Variants in DNAAF11 observed in about 807,000 individuals in gnomAD.
DNAAF11 encodes leucine rich repeat containing 6.
Under a neutral mutation model 60.8 loss-of-function variants are expected in DNAAF11, and 45 were observed. The observed-to-expected ratio is 0.74, with a 90% CI of 0.58 to 0.95. DNAAF11 has a LOEUF of 0.95. DNAAF11 is among the 40% of genes least tolerant of loss of function. The pLI is 0.00. For synonymous variants in DNAAF11, 191 were observed against 183.5 expected, an observed-to-expected ratio of 1.04 and a Z score of -0.33; for missense variants, 546 against 546.2, an observed-to-expected ratio of 1.00 and a Z score of 0.00.
intron 2 of DNAAF11, among the ~76,000 whole-genome samples, chr8:132,658,566 C>A (rs913394117): frequency 1.3e-5 from 2 of 152,174 alleles, no homozygotes; most frequent in Non-Finnish European, 2.9e-5. Flanking sequence ...CGTGATCCAG[C>A]CGCCTTAGCC....
chr8:132,612,886 C>T (rs1222372693), intron 8 of DNAAF11, among the ~76,000 whole-genome samples: 1 of 152,118 alleles, frequency 6.6e-6, no homozygotes, highest in Non-Finnish European at 1.5e-5. Context: ...ATATTACCAC[C>T]CCTTAAAATG....
intron 10 of DNAAF11, among the ~76,000 whole-genome samples, chr8:132,604,740 G>C (rs368114624): frequency 6.6e-6 from 1 of 152,056 alleles, no homozygotes; most frequent in African/African-American, 2.4e-5. Context: ...TAAACTCCTA[G>C]AAAATGTGAT....
At chr8:132,604,081 A>G (rs1817908840) in intron 10 of DNAAF11, among the ~76,000 whole-genome samples, 1 of 152,182 alleles carries the variant, frequency 6.6e-6, no homozygotes, top group African/African-American at 2.4e-5. Flanking sequence ...AAATTTCAGG[A>G]ATGAGCTTCA....
chr8:132,698,567 C>G, the DNAAF11 span, among the ~76,000 whole-genome samples: 4 of 152,240 alleles, frequency 2.6e-5, no homozygotes, highest in Admixed American at 2.6e-4. Flanking sequence ...TGGGCACAGT[C>G]AATATTTCCA....
chr8:132,606,553 G>A (rs1399840393), intron 10 of DNAAF11, among the ~76,000 whole-genome samples: 11 of 152,166 alleles, frequency 7.2e-5, no homozygotes, highest in Non-Finnish European at 1.2e-4. Flanking sequence ...ATGCAGCCTC[G>A]ATGTAGCCTC....
intron 3 of DNAAF11, among the ~76,000 whole-genome samples, chr8:132,638,432 G>A (rs559893355): frequency 6.6e-6 from 1 of 152,236 alleles, no homozygotes; most frequent in East Asian, 1.9e-4. Context: ...AGTAAAAGCT[G>A]CTACTATACT....
At chr8:132,677,860 G>A (rs907947380), upstream of DNAAF11, among the ~76,000 whole-genome samples, 3 of 152,152 alleles carry the variant, frequency 2.0e-5, no homozygotes, top group African/African-American at 7.2e-5. Context: ...CATGACAGAA[G>A]GGATAGAAAA....
chr8:132,604,868 G>A (rs992144403), intron 10 of DNAAF11, among the ~76,000 whole-genome samples: 2 of 151,926 alleles, frequency 1.3e-5, no homozygotes, highest in Admixed American at 1.3e-4. Flanking sequence ...ACCTTCTAAT[G>A]GACATAAAAT....
chr8:132,584,514 C>A (rs752098093), intron 10 of DNAAF11, among the ~76,000 whole-genome samples: 20 of 152,208 alleles, frequency 1.3e-4, no homozygotes, highest in Non-Finnish European at 2.2e-4. Flanking sequence ...CACTTAATTT[C>A]TCCACCCCTC....
chr8:132,578,087 A>G (rs758307706), intron 11 of DNAAF11, among the ~76,000 whole-genome samples: 1 of 152,130 alleles, frequency 6.6e-6, no homozygotes, highest in Non-Finnish European at 1.5e-5. Context: ...TTAAAAGGCT[A>G]TGATATTTGT....
In DNAAF11 at chr8:132,570,932, A is replaced by AAGTTCTG. The variant is rs1194671974; in HGVS notation, c.*1367_*1373dup. 6.6e-6 allele frequency among the ~76,000 whole-genome samples: 1 copy of AAGTTCTG among 152,158 alleles called. No homozygotes were observed. The highest frequency in any genetic ancestry group is 2.4e-5 in the African/African-American group (1 of 41,440). On this transcript the variant is annotated 3_prime_UTR_variant, in exon 12 of 12. Transcript: ENST00000620350. ...TACTTCAGCTTCTCAGATTCTGTGC[A>AAGTTCTG]AGTTCTGAATTGTCTACCTGTACCA...
chr8:132,675,046 G>A (rs1326333013), intron 1 of DNAAF11, among the ~76,000 whole-genome samples: 1 of 152,152 alleles, frequency 6.6e-6, no homozygotes, highest in Non-Finnish European at 1.5e-5. Flanking sequence ...CTCCAGAGTC[G>A]GAACCCTCCA....
chr8:132,626,936 C>A (rs1178779884), intron 5 of DNAAF11, among the ~76,000 whole-genome samples: 1 of 151,990 alleles, frequency 6.6e-6, no homozygotes, highest in Non-Finnish European at 1.5e-5. Flanking sequence ...GTGAAAGATA[C>A]TTTTCAAAGG....
intron 3 of DNAAF11, among the ~76,000 whole-genome samples, chr8:132,654,190 TATA>T (rs1348482501): frequency 6.6e-6 from 1 of 152,026 alleles, no homozygotes. Context: ...AAGGACATTT[TATA>T]ATAATAATAA....
the DNAAF11 span, among the ~76,000 whole-genome samples, chr8:132,692,018 A>G: frequency 6.6e-6 from 1 of 152,178 alleles, no homozygotes; most frequent in Non-Finnish European, 1.5e-5. Flanking sequence ...TAGAAGAGTG[A>G]TGTAATATAA....
chr8:132,572,525 T>G (rs781383958), intron 11 of DNAAF11, 45 bp from the exon 12 acceptor site: 5 of 1,446,308 alleles, frequency 3.5e-6, no homozygotes, highest in Non-Finnish European at 4.7e-6. Context: ...ACTACATCAT[T>G]TAAAATTTCA....
rs749479753 is a variant in DNAAF11, at chr8:132,570,536, T to C, written c.*1770A>G. ...CAAATGTACATGATTTCCAAGTTGG[T>C]AGAGGTTGAGTTCTGTTGGATTATG... On this transcript the variant is annotated 3_prime_UTR_variant, in exon 12 of 12. Transcript: ENST00000620350. Among the ~76,000 whole-genome samples the C allele has an allele frequency of 1.3e-5, 2 of 152,214 alleles. No homozygotes were observed. Among genetic ancestry groups the C allele is most frequent in the Admixed American group, 1.3e-4 (2 of 15,288 alleles).
chr8:132,659,151 A>C (rs1209916798), intron 2 of DNAAF11, among the ~76,000 whole-genome samples: 1 of 152,202 alleles, frequency 6.6e-6, no homozygotes, highest in Non-Finnish European at 1.5e-5. Context: ...ACAAGACCCC[A>C]CATGGCCCCT....
At chr8:132,609,903 T>C (rs1481178883) in intron 10 of DNAAF11, among the ~76,000 whole-genome samples, 1 of 152,204 alleles carries the variant, frequency 6.6e-6, no homozygotes, top group Admixed American at 6.5e-5. Context: ...CCAAGTTCTT[T>C]CTATGGACAA....
Sources: gnomAD v4.1 joint callset for allele counts (sites outside exome capture counted in the v4.1 genomes callset) on GRCh38, gnomAD v4.1.1 for gene constraint, MANE v1.5 for transcripts, NCBI Gene and HGNC (gene_info 2026-07-23, HGNC 2026-07-21) for gene names.